DDX39B: variants seen among roughly 807,000 people sequenced by gnomAD.
DDX39B encodes spliceosome RNA helicase DDX39B.
DDX39B carries 6 observed loss-of-function variants against 46.4 expected under a neutral mutation model. That is an observed-to-expected ratio of 0.13 (90% confidence interval 0.07 to 0.26). The LOEUF is 0.26. Among genes scored for constraint, DDX39B ranks in the 10% least tolerant of loss-of-function variants. The pLI, the probability that DDX39B is intolerant of heterozygous loss-of-function variation, is 1.00. For missense variants in DDX39B, 185 were observed against 553.4 expected (o/e 0.33, Z 6.68); for synonymous variants, 174 against 199.4 (o/e 0.87, Z 1.07).
At chr6:31,532,747 A>AAT in intron 7 of DDX39B, 33 bp downstream of exon 7, 6 of 1,606,664 alleles carry the variant, frequency 3.7e-6, no homozygotes, top group African/African-American at 1.3e-5. Flanking sequence ...GGAGTGCTCC[A>AAT]ATGCTCATCC....
intron 2 of DDX39B, 144 bp from the exon 3 acceptor site, chr6:31,539,418 TA>T: frequency 1.7e-6 from 2 of 1,189,758 alleles, no homozygotes; most frequent in East Asian, 5.1e-5. Context: ...AGACCCATTT[TA>T]CCTCTCTCTG....
Position 31,535,048 on chromosome 6 carries a change from G to GA in DDX39B, c.735+318_735+319insT. The GA allele has an allele frequency of 2.4e-6, 1 of 421,932 alleles. No individual in the cohort carries two copies. The highest frequency in any genetic ancestry group is 4.6e-5 in the East Asian group (1 of 21,662). The allele number at this position is 421,932 out of a possible 1,614,324, so 26.1% of individuals were successfully genotyped here. On this transcript the variant is annotated intron_variant, in intron 6 of 10. Coordinates refer to ENST00000396172, the MANE Select transcript of DDX39B (RefSeq NM_004640.7). This position sits in a 1 kb window ranked among gnomAD's most constrained non-coding sequence, Gnocchi z 4.6. ...GGGTGCATGTAAGAGACGATGGATG[G>GA]GTGGGTGGTAGGGCAGAAAAATCCT... is the stretch of plus-strand genomic sequence containing the variant.
rs1429841899 is a variant in DDX39B, at chr6:31,535,239, A to C, written c.735+128T>G. The C allele has an allele frequency of 8.2e-6, 7 of 852,422 alleles. No homozygotes were observed. Among genetic ancestry groups the C allele is most frequent in the African/African-American group, 1.7e-5 (1 of 60,224 alleles). The allele number at this position is 852,422 out of a possible 1,614,324, so 52.8% of individuals were successfully genotyped here. ...CTTCTGTATGTCTCTTCAAGGAGTC[A>C]TTACTCCCAGTTGGGCACAAGCCGC... On this transcript the variant is annotated intron_variant, in intron 6 of 10. Coordinates refer to ENST00000396172, the MANE Select transcript of DDX39B (RefSeq NM_004640.7). This position sits in a 1 kb window ranked among gnomAD's most constrained non-coding sequence, Gnocchi z 4.6.
In DDX39B at chr6:31,540,402, C is replaced by G. The variant is rs1277612570; in HGVS notation, c.131G>C (p.Ser44Thr). ...DVKGSYVSIH[S>T]SGFRDFLLKP... ...GAGCAGGAAGTCACGAAAGCCAGAG[C>G]TGTGGATGGAGACATAGGAGCCCTT... The change falls in exon 2 of 11, where the codon AGC becomes ACC. Residue 44 changes from serine to threonine, a missense_variant. Coordinates refer to ENST00000396172, the MANE Select transcript of DDX39B (RefSeq NM_004640.7). The G allele has an allele frequency of 1.9e-6, 3 of 1,614,242 alleles. No individual in the cohort carries two copies. Among genetic ancestry groups the G allele is most frequent in the Non-Finnish European group, 2.5e-6 (3 of 1,180,046 alleles).
chr6:31,531,461 G>T lies in DDX39B; in HGVS notation c.868-56C>A. ...TTGGGGGAATAGGGGTCCATGGTGTGTGAGAGACATTACGTGGGAGAGGGG... is the reference window on the plus strand; with the variant it reads ...TTGGGGGAATAGGGGTCCATGGTGTTTGAGAGACATTACGTGGGAGAGGGG... On this transcript the variant is annotated intron_variant, in intron 7 of 10. Coordinates refer to ENST00000396172, the MANE Select transcript of DDX39B (RefSeq NM_004640.7). This position sits in a 1 kb window ranked among gnomAD's most constrained non-coding sequence, Gnocchi z 5.8. 6.7e-7 allele frequency: 1 copy of T among 1,502,496 alleles called. No individual in the cohort carries two copies. The highest frequency in any genetic ancestry group is 1.7e-5 in the Admixed American group (1 of 58,354). 93.1% of individuals were successfully genotyped at this position (1,502,496 alleles called of 1,614,324 possible).
At chr6:31,541,114 G>A (rs774641329) in intron 1 of DDX39B, 4 of 533,556 alleles carry the variant, frequency 7.5e-6, no homozygotes. Context: ...CATCAGTCAA[G>A]GGTGATAGAT....
At chr6:31,536,714 C>G (rs371213671) in intron 4 of DDX39B, 31 bp from the exon 5 acceptor site, 14 of 1,607,418 alleles carry the variant, frequency 8.7e-6, no homozygotes, top group African/African-American at 2.7e-5. Flanking sequence ...AGTCTCAAAA[C>G]AGAGGAAGGA....
intron 1 of DDX39B, 102 bp downstream of exon 1, chr6:31,541,848 G>A (rs148982677): frequency 7.0e-5 from 45 of 640,744 alleles, no homozygotes; most frequent in Middle Eastern, 7.2e-4. Flanking sequence ...AGGCCCCAGC[G>A]ACCAGACCAT....
intron 6 of DDX39B, chr6:31,533,927 A>G (rs1767477161): frequency 6.6e-6 from 1 of 152,410 alleles, no homozygotes; most frequent in African/African-American, 2.4e-5. Context: ...GATAGTTAAT[A>G]TGAAGACCCA....
At chr6:31,537,375 G>A (rs1479400870) in intron 4 of DDX39B, among the ~76,000 whole-genome samples, 1 of 151,930 alleles carries the variant, frequency 6.6e-6, no homozygotes, top group Non-Finnish European at 1.5e-5. Flanking sequence ...GCAGTGAGGC[G>A]AGATTGAGCC....
intron 5 of DDX39B, 149 bp downstream of exon 5, chr6:31,536,351 T>A: frequency 8.6e-7 from 1 of 1,162,750 alleles, no homozygotes; most frequent in Admixed American, 1.7e-5. Flanking sequence ...AAAAGCATAA[T>A]AAAGACCAAC....
intron 4 of DDX39B, among the ~76,000 whole-genome samples, chr6:31,538,040 CAAAT>C (rs1767983492): frequency 6.6e-6 from 1 of 151,972 alleles, no homozygotes; most frequent in Non-Finnish European, 1.5e-5. Flanking sequence ...CATCTCAAAA[CAAAT>C]AAATAAAAAT....
At chr6:31,539,035 T>TA in intron 3 of DDX39B, 112 bp downstream of exon 3, 1 of 1,585,258 alleles carries the variant, frequency 6.3e-7, no homozygotes, top group Non-Finnish European at 8.7e-7. Flanking sequence ...TTGTCAAGGG[T>TA]AACAGAGGTC....
In DDX39B at chr6:31,531,170, A is replaced by G. The variant is rs758059764; in HGVS notation, c.1005T>C (p.Asp335=). The G allele has an allele frequency of 1.9e-6, 3 of 1,614,212 alleles. No homozygotes were observed. In the Admixed American group the frequency reaches 5.0e-5, roughly 27 times the overall value. Residue 335 remains aspartate (D), a synonymous_variant, in exon 9 of 11, where the codon GAT becomes GAC. Transcript: ENST00000396172. The surrounding 1 kb of genome is among the most constrained non-coding windows in gnomAD (Gnocchi z 5.8). The stretch of plus-strand genomic sequence containing the variant: ...TAGCCACAAGAATTCGTCGTTGAAA[A>G]TCTTTAAACTGCTGATACCGAGAAA... The part of the protein sequence containing the change: ...ERLSRYQQFK[D]FQRRILVATN...
intron 4 of DDX39B, among the ~76,000 whole-genome samples, chr6:31,537,331 CAGG>C (rs552623633): frequency 3.6e-4 from 54 of 152,102 alleles, no homozygotes; most frequent in Non-Finnish European, 5.6e-4. Flanking sequence ...GAGGCTGAGG[CAGG>C]AGAATCGCTT....
chr6:31,540,755 A>G, intron 1 of DDX39B, 91 bp from the exon 2 acceptor site: 1 of 581,186 alleles, frequency 1.7e-6, no homozygotes, highest in South Asian at 2.2e-5. Context: ...TCCCTAAACC[A>G]GGAAACTTTT....
chr6:31,540,167 C>T (rs1768246774), intron 2 of DDX39B, among the ~76,000 whole-genome samples, 155 bp downstream of exon 2: 1 of 152,160 alleles, frequency 6.6e-6, no homozygotes, highest in Admixed American at 6.5e-5. Flanking sequence ...CCTCGGCCTC[C>T]CAAAGTGCTG....
chr6:31,530,526 C>G lies in DDX39B; in HGVS notation c.1271-76G>C. On this transcript the variant is annotated intron_variant, in intron 10 of 10. Coordinates refer to ENST00000396172, the MANE Select transcript of DDX39B (RefSeq NM_004640.7). This position sits in a 1 kb window ranked among gnomAD's most constrained non-coding sequence, Gnocchi z 4.5. Reference sequence around the variant, plus strand: ...GAGGCAGGAACACACGGCACACATGCAGACACTGGTGTACTGCCTGGGTTC... The same window carrying G: ...GAGGCAGGAACACACGGCACACATGGAGACACTGGTGTACTGCCTGGGTTC... The G allele has an allele frequency of 6.3e-7, 1 of 1,594,358 alleles. No individual in the cohort carries two copies. The highest frequency in any genetic ancestry group is 2.2e-5 in the East Asian group (1 of 44,814).
Position 31,539,138 on chromosome 6 carries a change from C to T in DDX39B, c.339+9G>A. On this transcript the variant is annotated intron_variant, in intron 3 of 10. Transcript: ENST00000396172. ...AAAATCCCCTCCCCAGCACTCTCCCCAAATATACCTGCCCAGTAACTGGCT... is the reference window on the plus strand; with the variant it reads ...AAAATCCCCTCCCCAGCACTCTCCCTAAATATACCTGCCCAGTAACTGGCT... The T allele has an allele frequency of 1.9e-6, 3 of 1,613,238 alleles. No individual in the cohort carries two copies. The highest frequency in any genetic ancestry group is 2.5e-6 in the Non-Finnish European group (3 of 1,180,038).
Sources: gnomAD v4.1 joint callset for allele counts (sites outside exome capture counted in the v4.1 genomes callset) on GRCh38, gnomAD v4.1.1 for gene constraint, Gnocchi (gnomAD v3.1) non-coding constraint, MANE v1.5 for transcripts, NCBI Gene and HGNC (gene_info 2026-07-23, HGNC 2026-07-21) for gene names.